Variants in TOX observed in about 807,000 individuals in gnomAD.
The protein encoded by TOX is thymocyte selection associated high mobility group box.
In TOX, 11 loss-of-function variants were observed where a neutral mutation model predicts 53.7. The observed-to-expected ratio is 0.20, with a 90% CI of 0.13 to 0.34. TOX has a LOEUF of 0.34. TOX is among the 10% of genes least tolerant of loss of function. The pLI is 1.00. For synonymous variants in TOX, 225 were observed against 245.3 expected (o/e 0.92, Z 0.77); for missense variants, 570 against 664.6 (o/e 0.86, Z 1.56).
At chr8:58,951,303 T>C (rs941958035) in intron 2 of TOX, among the ~76,000 whole-genome samples, 6 of 152,162 alleles carry the variant, frequency 3.9e-5, no homozygotes, top group African/African-American at 1.4e-4. Context: ...GTTTAGTTCC[T>C]TGTCAGAAAC....
At chr8:59,084,520 G>A (rs1273640237) in intron 1 of TOX, among the ~76,000 whole-genome samples, 1 of 152,006 alleles carries the variant, frequency 6.6e-6, no homozygotes, top group African/African-American at 2.4e-5. Flanking sequence ...ATGCATTCTC[G>A]ATATCTTTTA....
chr8:59,027,439 A>G (rs1022050320), intron 1 of TOX, among the ~76,000 whole-genome samples: 1 of 104,836 alleles, frequency 9.5e-6, no homozygotes, highest in African/African-American at 3.7e-5. Context: ...TCCTTATGTC[A>G]TAGGAACAAG....
intron 1 of TOX, among the ~76,000 whole-genome samples, chr8:59,062,691 T>A (rs1240446145): frequency 6.6e-6 from 1 of 152,180 alleles, no homozygotes; most frequent in African/African-American, 2.4e-5. Flanking sequence ...CTCAATCCTT[T>A]ACTCCTTACT....
At chr8:58,931,277 G>T (rs1812249223) in intron 3 of TOX, among the ~76,000 whole-genome samples, 2 of 151,830 alleles carry the variant, frequency 1.3e-5, no homozygotes, top group African/African-American at 4.8e-5. Flanking sequence ...GCAATCTCAG[G>T]TTCTAGAGCT....
intron 3 of TOX, among the ~76,000 whole-genome samples, chr8:58,872,373 C>T (rs939192095): frequency 2.6e-5 from 4 of 152,040 alleles, no homozygotes; most frequent in Non-Finnish European, 5.9e-5. Context: ...TGTAGTTGTA[C>T]ACCTTCAGAA....
intron 1 of TOX, among the ~76,000 whole-genome samples, chr8:59,017,577 G>C (rs1814039671): frequency 6.6e-6 from 1 of 152,174 alleles, no homozygotes. Context: ...TTAGACACCT[G>C]TTAGGTGCTA....
At chr8:58,888,957 A>G (rs1046879409) in intron 3 of TOX, among the ~76,000 whole-genome samples, 1 of 152,074 alleles carries the variant, frequency 6.6e-6, no homozygotes, top group Non-Finnish European at 1.5e-5. Context: ...TCTTAAATAT[A>G]TAAAAAATAA....
intron 1 of TOX, among the ~76,000 whole-genome samples, chr8:59,074,099 C>T (rs1175391785): frequency 6.6e-6 from 1 of 152,186 alleles, no homozygotes; most frequent in African/African-American, 2.4e-5. Flanking sequence ...AACCTCTCAA[C>T]TCTTAACTTC....
At chr8:59,070,724 G>A (rs1166988259) in intron 1 of TOX, among the ~76,000 whole-genome samples, 4 of 152,154 alleles carry the variant, frequency 2.6e-5, no homozygotes, top group African/African-American at 9.7e-5. Context: ...GTTGTGGCTA[G>A]AAGAAAGTAT....
intron 1 of TOX, among the ~76,000 whole-genome samples, chr8:59,016,472 C>A (rs547517282): frequency 9.9e-5 from 15 of 152,244 alleles, no homozygotes; most frequent in Admixed American, 9.8e-4. Context: ...ATTACAGAAA[C>A]ACCACTACTG....
chr8:59,056,653 C>G (rs953817278), intron 1 of TOX, among the ~76,000 whole-genome samples: 1 of 151,972 alleles, frequency 6.6e-6, no homozygotes, highest in Non-Finnish European at 1.5e-5. Flanking sequence ...CTGTGTCATT[C>G]GTTATATAAA....
intron 1 of TOX, among the ~76,000 whole-genome samples, chr8:59,073,919 T>C (rs1017178344): frequency 7.2e-5 from 11 of 152,206 alleles, no homozygotes; most frequent in African/African-American, 2.7e-4. Context: ...AACAAAGCAT[T>C]ACTTTTCAAA....
At chr8:58,988,602 G>A (rs944493245) in intron 1 of TOX, among the ~76,000 whole-genome samples, 1 of 152,152 alleles carries the variant, frequency 6.6e-6, no homozygotes, top group African/African-American at 2.4e-5. Flanking sequence ...ACAAAAATAA[G>A]GGTTTTGGAT....
intron 3 of TOX, among the ~76,000 whole-genome samples, chr8:58,877,563 T>C (rs1163129200): frequency 3.9e-5 from 6 of 152,180 alleles, no homozygotes; most frequent in Non-Finnish European, 8.8e-5. Context: ...TTTGCACACA[T>C]GGTTAGTGGA....
intron 1 of TOX, among the ~76,000 whole-genome samples, chr8:58,971,691 G>A (rs879274635): frequency 2.8e-3 from 49 of 17,566 alleles, no homozygotes; most frequent in Non-Finnish European, 3.8e-3. Context: ...GATTTTTTTC[G>A]TTTTGTTTTT....
chr8:59,028,264 T>A (rs1027208340), intron 1 of TOX, among the ~76,000 whole-genome samples: 3 of 152,076 alleles, frequency 2.0e-5, no homozygotes, highest in African/African-American at 4.8e-5. Flanking sequence ...CGAAAGGAAG[T>A]TTATAAATAT....
At chr8:58,992,536 G>C (rs1016864575) in intron 1 of TOX, among the ~76,000 whole-genome samples, 23 of 152,018 alleles carry the variant, frequency 1.5e-4, no homozygotes, top group African/African-American at 5.1e-4. Context: ...ATGGATTCAT[G>C]GTCAGCTATA....
intron 6 of TOX, among the ~76,000 whole-genome samples, chr8:58,818,710 A>G (rs1373681809): frequency 6.6e-6 from 1 of 152,196 alleles, no homozygotes; most frequent in Non-Finnish European, 1.5e-5. Context: ...GGAGTGAGGA[A>G]GGATCTGAAG....
chr8:58,994,165 A>AGG (rs1813510676), intron 1 of TOX, among the ~76,000 whole-genome samples: 2 of 152,194 alleles, frequency 1.3e-5, no homozygotes, highest in South Asian at 4.1e-4. Context: ...GTTTGTCAGT[A>AGG]ATGTATTGAC....
Sources: gnomAD v4.1 joint callset for allele counts (sites outside exome capture counted in the v4.1 genomes callset) on GRCh38, gnomAD v4.1.1 for gene constraint, MANE v1.5 for transcripts, NCBI Gene and HGNC (gene_info 2026-07-23, HGNC 2026-07-21) for gene names.